APP: variants seen among roughly 807,000 people sequenced by gnomAD.
The protein encoded by APP is amyloid-beta precursor protein.
Under a neutral mutation model 101.4 loss-of-function variants are expected in APP, and 31 were observed. The ratio of observed to expected loss-of-function variants is 0.31; its 90% CI spans 0.23 to 0.41. The LOEUF (loss-of-function observed/expected upper bound fraction) is 0.41, where lower values mean the gene tolerates loss of function less well. Among genes scored for constraint, APP ranks in the 10% least tolerant of loss-of-function variants. APP has a pLI of 1.00. For missense variants in APP, 839 were observed against 1,003.7 expected (o/e 0.84, Z 2.22); for synonymous variants, 366 against 364.4 (o/e 1.00, Z -0.05).
At chr21:25,952,191 TACACACACACAC>T (rs57270357) in intron 13 of APP, among the ~76,000 whole-genome samples, 20 of 139,896 alleles carry the variant, frequency 1.4e-4, no homozygotes, top group Admixed American at 3.6e-4. Flanking sequence ...ATTACATACA[TACACACACACAC>T]ACACACACAC....
At chr21:26,121,475 C>T (rs540102079) in intron 1 of APP, among the ~76,000 whole-genome samples, 3 of 152,008 alleles carry the variant, frequency 2.0e-5, no homozygotes, top group Admixed American at 1.3e-4. Flanking sequence ...GCAACCTCCA[C>T]TTCCCTGGTT....
intron 2 of APP, among the ~76,000 whole-genome samples, chr21:26,095,801 T>C (rs557886689): frequency 4.6e-5 from 7 of 152,342 alleles, no homozygotes; most frequent in Non-Finnish European, 2.9e-5. Flanking sequence ...CATACATGTA[T>C]TGCTAATATG....
At chr21:25,997,503 A>G (rs1187690145) in intron 7 of APP, 87 bp from the exon 8 acceptor site, 3 of 1,185,838 alleles carry the variant, frequency 2.5e-6, no homozygotes, top group East Asian at 4.7e-5. Flanking sequence ...CTGACAAAAA[A>G]ACAACCTAAC....
chr21:25,956,507 C>T (rs2041327877), intron 11 of APP, among the ~76,000 whole-genome samples: 1 of 152,172 alleles, frequency 6.6e-6, no homozygotes, highest in South Asian at 2.1e-4. Flanking sequence ...AATTTCATCA[C>T]TATATGCATT....
intron 1 of APP, among the ~76,000 whole-genome samples, chr21:26,163,073 A>AC (rs2063527808): frequency 1.4e-5 from 2 of 144,592 alleles, no homozygotes; most frequent in Admixed American, 1.4e-4. Context: ...ACTAAAAAAA[A>AC]AAAAAACAAA....
chr21:25,938,566 G>A (rs769872066), intron 13 of APP, among the ~76,000 whole-genome samples: 3 of 152,058 alleles, frequency 2.0e-5, no homozygotes, highest in African/African-American at 7.3e-5. Context: ...GATCACCTGG[G>A]GGAATAAGAA....
At chr21:26,046,942 C>T (rs756702787) in intron 5 of APP, among the ~76,000 whole-genome samples, 49 of 152,136 alleles carry the variant, frequency 3.2e-4, no homozygotes, top group African/African-American at 1.2e-3. Flanking sequence ...ACATTATGTA[C>T]GTAATTATTA....
rs141032422 is a variant in APP, at chr21:26,054,822, T to C, written c.356-1474A>G. Among the ~76,000 whole-genome samples, 266 of 151,944 alleles carry C rather than the reference T, an allele frequency of 1.8e-3. 2 individuals are homozygous for C. Among genetic ancestry groups the C allele is most frequent in the African/African-American group, 5.8e-3 (242 of 41,436 alleles). On this transcript the variant is annotated intron_variant, in intron 3 of 17. Coordinates refer to ENST00000346798, the MANE Select transcript of APP (RefSeq NM_000484.4). ...GTCCACACAGCAGCAAAGACAGGAA[T>C]GAATGTCTTTCTTTCATAGTACGCT...
chr21:25,908,635 A>G (rs1439057563), intron 14 of APP, among the ~76,000 whole-genome samples: 1 of 151,696 alleles, frequency 6.6e-6, no homozygotes, highest in Non-Finnish European at 1.5e-5. Context: ...TGAGGCCATA[A>G]GGTGATTCAT....
At chr21:25,888,036 C>T (rs1204333220) in intron 17 of APP, among the ~76,000 whole-genome samples, 2 of 152,028 alleles carry the variant, frequency 1.3e-5, no homozygotes, top group Non-Finnish European at 1.5e-5. Flanking sequence ...CAAAAAATCT[C>T]CTGGAAACCA....
At chr21:26,038,395 G>T (rs111420663) in intron 5 of APP, among the ~76,000 whole-genome samples, 4,400 of 152,228 alleles carry the variant, frequency 0.029, 210 homozygotes, top group African/African-American at 0.1. Context: ...GGTGGGAGAT[G>T]AGTCATTGAG....
At chr21:25,893,690 G>T (rs903775553) in intron 16 of APP, among the ~76,000 whole-genome samples, 1 of 152,202 alleles carries the variant, frequency 6.6e-6, no homozygotes, top group African/African-American at 2.4e-5. Context: ...GGGAGAGGTT[G>T]ATTTCATGAG....
chr21:25,940,536 A>G (rs767027122), intron 13 of APP, among the ~76,000 whole-genome samples: 1 of 152,234 alleles, frequency 6.6e-6, no homozygotes, highest in Non-Finnish European at 1.5e-5. Flanking sequence ...GGTATTAATA[A>G]TAAGAAGTTG....
intron 6 of APP, among the ~76,000 whole-genome samples, chr21:26,006,573 A>C (rs552069413): frequency 3.8e-4 from 58 of 152,372 alleles, no homozygotes; most frequent in African/African-American, 1.3e-3. Context: ...CCTGGATTAT[A>C]CAAAATGATT....
intron 14 of APP, among the ~76,000 whole-genome samples, chr21:25,910,788 A>G (rs2039032875): frequency 6.6e-6 from 1 of 152,244 alleles, no homozygotes; most frequent in South Asian, 2.1e-4. Context: ...AACACAAATT[A>G]AGTCTTAAGC....
At chr21:26,107,145 A>C (rs1450130937) in intron 2 of APP, among the ~76,000 whole-genome samples, 1 of 152,078 alleles carries the variant, frequency 6.6e-6, no homozygotes, top group Non-Finnish European at 1.5e-5. Flanking sequence ...AAATTCTTAC[A>C]CCCTTATTAC....
Position 25,881,439 on chromosome 21 carries a change from T to G in APP, c.*231A>C, listed in dbSNP as rs2146191927. Reference sequence around the variant, plus strand: ...ATTCTTTACAGTACACAAAACCCATTAATAATGTAGTATAGAGACCAAAAT... The same window carrying G: ...ATTCTTTACAGTACACAAAACCCATGAATAATGTAGTATAGAGACCAAAAT... On this transcript the variant is annotated 3_prime_UTR_variant, in exon 18 of 18. Coordinates refer to ENST00000346798, the MANE Select transcript of APP (RefSeq NM_000484.4). 1.7e-6 allele frequency: 1 copy of G among 587,308 alleles called. No individual in the cohort carries two copies. The highest frequency in any genetic ancestry group is 3.0e-6 in the Non-Finnish European group (1 of 329,424). 36.4% of individuals were successfully genotyped at this position (587,308 alleles called of 1,614,324 possible). A position where few individuals can be genotyped will look rare whatever the true frequency, so the allele number is the denominator to read the frequency against.
chr21:25,910,512 T>C (rs1480548552), intron 14 of APP, among the ~76,000 whole-genome samples: 6 of 152,232 alleles, frequency 3.9e-5, no homozygotes, highest in Non-Finnish European at 8.8e-5. Flanking sequence ...TGTTGTGTTC[T>C]TAAAAAACAT....
intron 5 of APP, among the ~76,000 whole-genome samples, chr21:26,030,132 A>G (rs1377346478): frequency 6.6e-6 from 1 of 152,204 alleles, no homozygotes; most frequent in Non-Finnish European, 1.5e-5. Context: ...AATCTAAACA[A>G]TACCCCTGGG....
Sources: allele counts gnomAD v4.1 joint callset (sites outside exome capture counted in the v4.1 genomes callset), GRCh38; gene constraint gnomAD v4.1.1; transcripts MANE v1.5; gene names NCBI Gene and HGNC (gene_info 2026-07-23, HGNC 2026-07-21).